The following GUCY1A1 variants were observed in gnomAD, a reference collection of about 807,000 sequenced individuals.
The protein encoded by GUCY1A1 is guanylate cyclase 1 soluble subunit alpha 1, also known as guanylate cyclase soluble subunit alpha-1.
GUCY1A1 carries 48 observed loss-of-function variants against 64.5 expected under a neutral mutation model. That is an observed-to-expected ratio of 0.74 (90% CI 0.59 to 0.95). The LOEUF is 0.95. Ranked by LOEUF, GUCY1A1 falls within the 40% of genes least tolerant of loss-of-function variation. The probability of loss-of-function intolerance (pLI) is 0.00; values close to 1 mark genes in which losing one functional copy is unlikely to be tolerated. For synonymous variants in GUCY1A1, 308 were observed against 303.4 expected (o/e 1.02, Z -0.16); for missense variants, 804 against 825.3 (o/e 0.97, Z 0.32).
rs1732536713 is a variant in GUCY1A1, at chr4:155,711,258, A to G, written c.1086+7A>G. ...TGTGAAAAAATCTTCAAGGGTAAGG[A>G]AAACATAATACTATCTTGAATATGA... On this transcript the variant is annotated splice_region_variant and intron_variant, in intron 6 of 9. Coordinates refer to ENST00000506455, the MANE Select transcript of GUCY1A1 (RefSeq NM_001130682.3). The G allele has an allele frequency of 7.3e-7, 1 of 1,365,752 alleles. No homozygotes were observed. Among genetic ancestry groups the G allele is most frequent in the Admixed American group, 1.7e-5 (1 of 59,014 alleles). The allele number at this position is 1,365,752 out of a possible 1,614,324, so 84.6% of individuals were successfully genotyped here.
intron 2 of GUCY1A1, among the ~76,000 whole-genome samples, chr4:155,687,235 G>C (rs555875490): frequency 6.6e-6 from 1 of 152,224 alleles, no homozygotes; most frequent in Non-Finnish European, 1.5e-5. Context: ...AAATTTTAGG[G>C]TTGCTCTGAA....
intron 3 of GUCY1A1, among the ~76,000 whole-genome samples, chr4:155,702,162 T>C (rs1017148587): frequency 2.6e-5 from 4 of 152,172 alleles, no homozygotes; most frequent in African/African-American, 9.7e-5. Context: ...AGACAGATTA[T>C]GAAAAATTTA....
chr4:155,700,613 A>T (rs1730956501), intron 3 of GUCY1A1, among the ~76,000 whole-genome samples: 1 of 152,200 alleles, frequency 6.6e-6, no homozygotes, highest in African/African-American at 2.4e-5. Context: ...GAGCCAAAAG[A>T]TAATTGTTTA....
chr4:155,678,062 ATAGT>A (rs1353210229), intron 2 of GUCY1A1, among the ~76,000 whole-genome samples: 5 of 152,114 alleles, frequency 3.3e-5, no homozygotes, highest in East Asian at 1.9e-4. Context: ...AAGTATACTG[ATAGT>A]TAGGAAAAAT....
In GUCY1A1 at chr4:155,729,203, A is replaced by G. The variant is rs564867073; in HGVS notation, c.1872-827A>G. On this transcript the variant is annotated intron_variant, in intron 9 of 9. Coordinates refer to ENST00000506455, the MANE Select transcript of GUCY1A1 (RefSeq NM_001130682.3). ...AATATAATAAATGCTTTTCTGTAGA[A>G]ATTGGTTGAGAACCCACAGCCATGC... Among the ~76,000 whole-genome samples, 3 of 151,924 alleles carry G rather than the reference A, an allele frequency of 2.0e-5. No homozygotes were observed. The South Asian group carries it at 6.2e-4, about 31-fold the overall frequency.
intron 2 of GUCY1A1, among the ~76,000 whole-genome samples, chr4:155,680,839 T>A (rs1579010365): frequency 2.0e-5 from 3 of 152,098 alleles, no homozygotes; most frequent in South Asian, 4.2e-4. Context: ...TTTTGCTACA[T>A]CTGGGATGGC....
In GUCY1A1 at chr4:155,725,689, G is replaced by T. The variant is rs575992932; in HGVS notation, c.1871+3497G>T. Reference sequence around the variant, plus strand: ...TGGTGGTCTTGAGTCATGTTAGGGGGCACTGATATTAGCTACTTATTTTTC... The same window carrying T: ...TGGTGGTCTTGAGTCATGTTAGGGGTCACTGATATTAGCTACTTATTTTTC... On this transcript the variant is annotated intron_variant, in intron 9 of 9. Transcript: ENST00000506455. Among the ~76,000 whole-genome samples, 7 of 151,990 alleles carry T rather than the reference G, an allele frequency of 4.6e-5. No individual in the cohort carries two copies. The South Asian group carries it at 1.5e-3, about 32-fold the overall frequency.
intron 8 of GUCY1A1, among the ~76,000 whole-genome samples, chr4:155,721,222 C>T (rs183417686): frequency 5.7e-4 from 86 of 152,138 alleles, no homozygotes; most frequent in Non-Finnish European, 9.9e-4. Context: ...TATGATGGTA[C>T]CGCTGCACTA....
intron 3 of GUCY1A1, among the ~76,000 whole-genome samples, chr4:155,703,059 A>T (rs1487887082): frequency 6.6e-6 from 1 of 151,874 alleles, no homozygotes; most frequent in Non-Finnish European, 1.5e-5. Context: ...TACATGGAAT[A>T]TATAAAAATG....
In GUCY1A1 at chr4:155,732,726, T is replaced by C. The variant is rs991686884; in HGVS notation, c.*2495T>C. On this transcript the variant is annotated 3_prime_UTR_variant, in exon 10 of 10. Transcript: ENST00000506455. ...GTTGGGGATTACGGGTACTGAGTTA[T>C]GTTGCCATTTAACTATTCTAAAAAA... 1.3e-5 allele frequency among the ~76,000 whole-genome samples: 2 copies of C among 151,868 alleles called. No individual in the cohort carries two copies. Among genetic ancestry groups the C allele is most frequent in the Non-Finnish European group, 2.9e-5 (2 of 67,882 alleles).
intron 9 of GUCY1A1, among the ~76,000 whole-genome samples, chr4:155,723,535 A>G (rs1734246063): frequency 6.6e-6 from 1 of 152,170 alleles, no homozygotes; most frequent in Admixed American, 6.5e-5. Context: ...AGAGTTTTTC[A>G]GATCTATACA....
chr4:155,688,352 G>GT (rs1429406506), intron 2 of GUCY1A1, among the ~76,000 whole-genome samples: 4 of 152,100 alleles, frequency 2.6e-5, no homozygotes, highest in Non-Finnish European at 5.9e-5. Flanking sequence ...GGATGTAGAG[G>GT]TTTTACTTTA....
chr4:155,711,353 A>C (rs565718934), intron 6 of GUCY1A1, 102 bp downstream of exon 6: 1 of 609,696 alleles, frequency 1.6e-6, no homozygotes, highest in East Asian at 2.8e-5. Flanking sequence ...ATGTTTGATA[A>C]AACATATGTA....
intron 2 of GUCY1A1, among the ~76,000 whole-genome samples, chr4:155,671,832 C>T (rs577169322): frequency 6.6e-6 from 1 of 152,136 alleles, no homozygotes; most frequent in Non-Finnish European, 1.5e-5. Context: ...TTCTTCAACC[C>T]ATGCTTATTT....
chr4:155,693,605 T>C (rs1055146178), intron 2 of GUCY1A1, among the ~76,000 whole-genome samples: 2 of 152,280 alleles, frequency 1.3e-5, no homozygotes, highest in Admixed American at 6.5e-5. Flanking sequence ...TGTAATTTCA[T>C]CAGTTGAGCA....
At chr4:155,683,364 T>G (rs543209679) in intron 2 of GUCY1A1, among the ~76,000 whole-genome samples, 1 of 152,252 alleles carries the variant, frequency 6.6e-6, no homozygotes, top group East Asian at 1.9e-4. Context: ...TGGAAAAAAA[T>G]TGAATAAATT....
intron 9 of GUCY1A1, 145 bp downstream of exon 9, chr4:155,722,337 A>G: frequency 7.0e-7 from 1 of 1,434,484 alleles, no homozygotes; most frequent in Non-Finnish European, 9.1e-7. Flanking sequence ...TATCATCCTC[A>G]CTTTAACTTT....
At chr4:155,723,851 C>G (rs1368673519) in intron 9 of GUCY1A1, among the ~76,000 whole-genome samples, 1 of 151,864 alleles carries the variant, frequency 6.6e-6, no homozygotes, top group Non-Finnish European at 1.5e-5. Flanking sequence ...TTAGTAGATA[C>G]TGGGTTTTGC....
At chr4:155,696,360 A>G (rs1730406178) in intron 2 of GUCY1A1, among the ~76,000 whole-genome samples, 1 of 152,176 alleles carries the variant, frequency 6.6e-6, no homozygotes. Flanking sequence ...AAAGGAGAGC[A>G]TAATGAGAAT....
Sources: allele counts gnomAD v4.1 joint callset (sites outside exome capture counted in the v4.1 genomes callset), GRCh38; gene constraint gnomAD v4.1.1; transcripts MANE v1.5; gene names NCBI Gene and HGNC (gene_info 2026-07-23, HGNC 2026-07-21).